GRIN2B: variants seen among roughly 807,000 people sequenced by gnomAD.
GRIN2B encodes glutamate receptor ionotropic, NMDA 2B.
A neutral mutation model predicts 114.5 loss-of-function variants in GRIN2B; 5 were observed. The ratio of observed to expected loss-of-function variants is 0.04; its 90% CI spans 0.02 to 0.09. The LOEUF is 0.09. GRIN2B is among the 10% of genes least tolerant of loss of function. GRIN2B has a pLI of 1.00. For missense variants in GRIN2B, 1,108 were observed against 1,943.5 expected, an observed-to-expected ratio of 0.57 and a Z score of 8.08; for synonymous variants, 787 against 745.1, an observed-to-expected ratio of 1.06 and a Z score of -0.92.
At chr12:13,800,510 C>A (rs1025957203) in intron 3 of GRIN2B, among the ~76,000 whole-genome samples, 14 of 152,166 alleles carry the variant, frequency 9.2e-5, no homozygotes, top group Non-Finnish European at 1.9e-4. Context: ...TCTGCATGCA[C>A]AAATTTACTT....
intron 2 of GRIN2B, among the ~76,000 whole-genome samples, chr12:13,908,601 T>C (rs1040176109): frequency 2.6e-5 from 4 of 152,200 alleles, no homozygotes; most frequent in Admixed American, 6.5e-5. Flanking sequence ...TTCCTTATAA[T>C]GAGTTGAACT....
At chr12:13,850,505 G>T (rs1040419428) in intron 3 of GRIN2B, among the ~76,000 whole-genome samples, 1 of 152,200 alleles carries the variant, frequency 6.6e-6, no homozygotes, top group Non-Finnish European at 1.5e-5. Context: ...GGCCCCATCA[G>T]ACTGGGGGTG....
At chr12:13,758,995 T>TC (rs1401837579) in intron 3 of GRIN2B, among the ~76,000 whole-genome samples, 3 of 141,296 alleles carry the variant, frequency 2.1e-5, no homozygotes, top group African/African-American at 8.1e-5. Context: ...CTCATCTAGT[T>TC]CAATTTTTTT....
rs1863139619 is a variant in GRIN2B, at chr12:13,981,569, G to C, written c.-675C>G. The C allele has an allele frequency of 6.6e-6, 1 of 151,350 alleles. No individual in the cohort carries two copies. Among genetic ancestry groups the C allele is most frequent in the Non-Finnish European group, 1.5e-5 (1 of 67,920 alleles). The allele number at this position is 151,350 out of a possible 1,614,324, so 9.4% of individuals were successfully genotyped here. A position where few individuals can be genotyped will look rare whatever the true frequency, so the allele number is the denominator to read the frequency against. ...AGCACTCTCGATAGAGCGAAGCCCC[G>C]AGATTTCCTAGAGGTGAAGAAGCCG... is the stretch of plus-strand genomic sequence containing the variant. On this transcript the variant is annotated 5_prime_UTR_variant, in exon 1 of 14. Transcript: ENST00000609686.
chr12:13,596,454 G>A (rs935075906), intron 10 of GRIN2B, among the ~76,000 whole-genome samples: 3 of 152,154 alleles, frequency 2.0e-5, no homozygotes, highest in African/African-American at 7.2e-5. Flanking sequence ...ACTAAACACT[G>A]CTCTTGCTCT....
intron 4 of GRIN2B, among the ~76,000 whole-genome samples, chr12:13,697,059 C>A (rs1950266630): frequency 6.6e-6 from 1 of 152,028 alleles, no homozygotes; most frequent in Non-Finnish European, 1.5e-5. Flanking sequence ...GTAATAAGTG[C>A]CTGAATGATG....
intron 4 of GRIN2B, among the ~76,000 whole-genome samples, chr12:13,751,123 A>G (rs897147036): frequency 1.3e-5 from 2 of 152,174 alleles, no homozygotes; most frequent in Non-Finnish European, 2.9e-5. Flanking sequence ...AGCTGGAAGC[A>G]AGAGAGAGCA....
intron 2 of GRIN2B, among the ~76,000 whole-genome samples, chr12:13,907,985 T>G (rs115432569): frequency 0.013 from 1,894 of 147,372 alleles, 45 homozygotes; most frequent in African/African-American, 0.044. Context: ...TAAAACTGCA[T>G]TTTTTTATTT....
At chr12:13,873,023 G>A (rs1456258307) in intron 2 of GRIN2B, among the ~76,000 whole-genome samples, 1 of 152,126 alleles carries the variant, frequency 6.6e-6, no homozygotes, top group African/African-American at 2.4e-5. Context: ...AAGGATAAAA[G>A]TACCCAAAGA....
intron 3 of GRIN2B, among the ~76,000 whole-genome samples, chr12:13,841,314 C>A (rs1219004612): frequency 2.0e-5 from 3 of 152,152 alleles, no homozygotes; most frequent in Non-Finnish European, 4.4e-5. Context: ...TACCTCTGTA[C>A]CACACTTTTG....
At chr12:13,878,116 G>C (rs1866018541) in intron 2 of GRIN2B, among the ~76,000 whole-genome samples, 1 of 148,580 alleles carries the variant, frequency 6.7e-6, no homozygotes, top group Admixed American at 6.7e-5. Context: ...TCTGCGCTAA[G>C]CCCTGGGAAG....
At chr12:13,696,574 A>C (rs1051179287) in intron 4 of GRIN2B, among the ~76,000 whole-genome samples, 5 of 152,128 alleles carry the variant, frequency 3.3e-5, no homozygotes, top group African/African-American at 1.2e-4. Context: ...GCCACTAAAA[A>C]CTTCTACTCC....
rs1948597983 is a variant in GRIN2B at position 13,564,070 on chromosome 12, G to T, written c.3168C>A (p.Ile1056=). 1 of 1,614,116 alleles carries T rather than the reference G, an allele frequency of 6.2e-7. No individual in the cohort carries two copies. The highest frequency in any genetic ancestry group is 1.3e-5 in the African/African-American group (1 of 74,946). ...TTGAGATGTCAGAGACATCGGAGCG[G>T]ATCAAGTCGTCGTGGCCACTGTAGC... ...SDRYSGHDDL[I]RSDVSDISTH... Residue 1056 remains isoleucine (I), a synonymous_variant, in exon 14 of 14, where the codon ATC becomes ATA. Coordinates refer to ENST00000609686, the MANE Select transcript of GRIN2B (RefSeq NM_000834.5). The surrounding 1 kb of genome is among the most constrained non-coding windows in gnomAD (Gnocchi z 4.8).
chr12:13,662,913 G>A (rs1487442924), intron 5 of GRIN2B, among the ~76,000 whole-genome samples: 1 of 152,178 alleles, frequency 6.6e-6, no homozygotes, highest in Non-Finnish European at 1.5e-5. Flanking sequence ...CAATGACAGA[G>A]TGGCAGCCTT....
At chr12:13,591,945 A>C (rs1244863004) in intron 10 of GRIN2B, among the ~76,000 whole-genome samples, 1 of 152,188 alleles carries the variant, frequency 6.6e-6, no homozygotes, top group African/African-American at 2.4e-5. Context: ...AAAAGAGAGC[A>C]GAACTTTTGT....
At chr12:13,811,537 C>T (rs573319566) in intron 3 of GRIN2B, among the ~76,000 whole-genome samples, 76 of 152,292 alleles carry the variant, frequency 5.0e-4, no homozygotes, top group African/African-American at 1.6e-3. Context: ...GCCATTAAAG[C>T]GCCACTGTAC....
At chr12:13,978,854 G>A (rs576401051) in intron 2 of GRIN2B, among the ~76,000 whole-genome samples, 1 of 152,290 alleles carries the variant, frequency 6.6e-6, no homozygotes, top group South Asian at 2.1e-4. Context: ...AGAGTCATTA[G>A]CTAAGTCTTT....
chr12:13,748,979 C>A (rs1311607605), intron 4 of GRIN2B, among the ~76,000 whole-genome samples: 1 of 152,222 alleles, frequency 6.6e-6, no homozygotes, highest in East Asian at 1.9e-4. Flanking sequence ...TTCTTGCAAC[C>A]CTGGCAAAAT....
At chr12:13,765,422 C>T (rs1410658716) in intron 3 of GRIN2B, among the ~76,000 whole-genome samples, 2 of 152,206 alleles carry the variant, frequency 1.3e-5, no homozygotes, top group East Asian at 1.9e-4. Flanking sequence ...GTCTGCCTTA[C>T]GTCCATCGTG....
Sources: gnomAD v4.1 joint callset for allele counts (sites outside exome capture counted in the v4.1 genomes callset) on GRCh38, gnomAD v4.1.1 for gene constraint, Gnocchi (gnomAD v3.1) non-coding constraint, MANE v1.5 for transcripts, NCBI Gene and HGNC (gene_info 2026-07-23, HGNC 2026-07-21) for gene names.